ITGA8: variants seen among roughly 807,000 people sequenced by gnomAD.
ITGA8 encodes the protein integrin subunit alpha 8.
ITGA8 carries 91 observed loss-of-function variants against 142.3 expected under a neutral mutation model. The ratio of observed to expected loss-of-function variants is 0.64; its 90% CI spans 0.54 to 0.76. The LOEUF (loss-of-function observed/expected upper bound fraction) is 0.76, where lower values mean the gene tolerates loss of function less well. Ranked by LOEUF, ITGA8 falls within the 30% of genes least tolerant of loss-of-function variation. The pLI is 0.00. For missense variants in ITGA8, 1,406 were observed against 1,327.7 expected (o/e 1.06, Z -0.92); for synonymous variants, 505 against 485.2 (o/e 1.04, Z -0.54).
At chr10:15,519,166 T>G in intron 29 of ITGA8, 124 bp downstream of exon 29, 1 of 1,080,188 alleles carries the variant, frequency 9.3e-7, no homozygotes, top group Non-Finnish European at 1.4e-6. Context: ...CTTTATATCC[T>G]TCAGACTGTT....
chr10:15,549,029 G>T lies in ITGA8; in HGVS notation c.2767-461C>A, dbSNP rs1445800986. Among the ~76,000 whole-genome samples the T allele has an allele frequency of 2.6e-5, 4 of 152,006 alleles. No homozygotes were observed. In the East Asian group the frequency reaches 7.7e-4, roughly 29 times the overall value. On this transcript the variant is annotated intron_variant, in intron 26 of 29. Transcript: ENST00000378076. The stretch of plus-strand genomic sequence containing the variant: ...TCTAAATTATTTCCTGGTTATAAAG[G>T]AGGCTTTTCTGTGACTTTCATTCAT...
In ITGA8 at chr10:15,677,643, A is replaced by G; in HGVS notation, c.631-6T>C. The stretch of plus-strand genomic sequence containing the variant: ...CCCACAATAAGGTCTCCATTCTACA[A>G]AACAGAAACAGCAACAGCAACCATA... On this transcript the variant is annotated splice_polypyrimidine_tract_variant and splice_region_variant and intron_variant, in intron 5 of 29. Coordinates refer to ENST00000378076, the MANE Select transcript of ITGA8 (RefSeq NM_003638.3). The G allele has an allele frequency of 2.5e-6, 4 of 1,612,070 alleles. No homozygotes were observed. Among genetic ancestry groups the G allele is most frequent in the Non-Finnish European group, 3.4e-6 (4 of 1,178,950 alleles).
At chr10:15,619,550 C>G (rs1833452058) in intron 13 of ITGA8, among the ~76,000 whole-genome samples, 1 of 152,166 alleles carries the variant, frequency 6.6e-6, no homozygotes, top group Non-Finnish European at 1.5e-5. Flanking sequence ...ATAAAACATT[C>G]TTTTGTAAGG....
intron 3 of ITGA8, among the ~76,000 whole-genome samples, chr10:15,685,062 C>A (rs1426100852): frequency 6.6e-6 from 1 of 152,170 alleles, no homozygotes; most frequent in Non-Finnish European, 1.5e-5. Context: ...AAAGTAGAAG[C>A]ATCTTATGCC....
chr10:15,687,896 C>T, intron 3 of ITGA8, 42 bp downstream of exon 3: 1 of 1,172,504 alleles, frequency 8.5e-7, no homozygotes. Flanking sequence ...CAGTGCACAC[C>T]ATACTCCAAA....
chr10:15,535,899 G>T (rs139218822), intron 27 of ITGA8, among the ~76,000 whole-genome samples: 3 of 151,884 alleles, frequency 2.0e-5, no homozygotes, highest in African/African-American at 7.3e-5. Flanking sequence ...CACTCACCTC[G>T]AAGGTCTGCA....
At chr10:15,544,301 C>A (rs1588634966) in intron 27 of ITGA8, among the ~76,000 whole-genome samples, 1 of 148,290 alleles carries the variant, frequency 6.7e-6, no homozygotes, top group South Asian at 2.2e-4. Flanking sequence ...CTGTCTCTAC[C>A]AAAAAAAAAC....
At chr10:15,524,448 T>C (rs557915821) in intron 28 of ITGA8, among the ~76,000 whole-genome samples, 28 of 152,336 alleles carry the variant, frequency 1.8e-4, no homozygotes, top group Middle Eastern at 6.8e-3. Flanking sequence ...CAGACATATT[T>C]CTCTGAATCA....
rs1833187794 is a variant in ITGA8 at position 15,527,010 on chromosome 10, T to G, written c.2982+4040A>C. Among the ~76,000 whole-genome samples the G allele has an allele frequency of 2.0e-5, 3 of 152,190 alleles. No homozygotes were observed. In the South Asian group the frequency reaches 6.2e-4, roughly 32 times the overall value. ...AAAAGCTCCCTTGTATTTGCAATGGTAATTAATGTTGACGTCTCTATTTAT... is the reference window on the plus strand; with the variant it reads ...AAAAGCTCCCTTGTATTTGCAATGGGAATTAATGTTGACGTCTCTATTTAT... On this transcript the variant is annotated intron_variant, in intron 28 of 29. Transcript: ENST00000378076.
At chr10:15,612,830 AAACCCAGTAAATT>A (rs1833322489) in intron 15 of ITGA8, among the ~76,000 whole-genome samples, 1 of 152,240 alleles carries the variant, frequency 6.6e-6, no homozygotes, top group African/African-American at 2.4e-5. Flanking sequence ...TCAGCATAGA[AAACCCAGTAAATT>A]AACCCAGTAA....
intron 28 of ITGA8, among the ~76,000 whole-genome samples, chr10:15,523,020 A>C (rs1833099150): frequency 6.6e-6 from 1 of 152,194 alleles, no homozygotes; most frequent in Non-Finnish European, 1.5e-5. Context: ...AGTCTCAAAA[A>C]AAAAAAAAAT....
At chr10:15,535,357 C>T (rs965411901) in intron 27 of ITGA8, among the ~76,000 whole-genome samples, 12 of 152,340 alleles carry the variant, frequency 7.9e-5, no homozygotes, top group South Asian at 4.1e-4. Context: ...GCTCCACCTG[C>T]GGCGCCGGTG....
chr10:15,554,761 G>A (rs1304447421), intron 26 of ITGA8, among the ~76,000 whole-genome samples: 2 of 147,858 alleles, frequency 1.4e-5, no homozygotes, highest in African/African-American at 5.0e-5. Flanking sequence ...TTTTTTTAAT[G>A]AAGAAAAGAG....
chr10:15,588,921 G>T (rs1832877124), intron 22 of ITGA8, among the ~76,000 whole-genome samples: 1 of 152,190 alleles, frequency 6.6e-6, no homozygotes, highest in Admixed American at 6.5e-5. Flanking sequence ...ACACAGACTT[G>T]CCATGACACT....
At chr10:15,517,465 A>G (rs1412444103) in intron 29 of ITGA8, among the ~76,000 whole-genome samples, 1 of 152,078 alleles carries the variant, frequency 6.6e-6, no homozygotes, top group African/African-American at 2.4e-5. Context: ...CTGGGATTAC[A>G]GGCCTGCACC....
chr10:15,636,569 G>A (rs528659538), intron 13 of ITGA8, among the ~76,000 whole-genome samples: 2 of 152,206 alleles, frequency 1.3e-5, no homozygotes, highest in Admixed American at 6.5e-5. Context: ...CTGTCCATGA[G>A]ACTATCCTTT....
intron 23 of ITGA8, among the ~76,000 whole-genome samples, chr10:15,579,839 C>CA (rs916216242): frequency 6.6e-4 from 100 of 151,560 alleles, no homozygotes; most frequent in Non-Finnish European, 1.2e-3. Flanking sequence ...TGAGTTATAA[C>CA]AAAAAAACCC....
intron 2 of ITGA8, among the ~76,000 whole-genome samples, chr10:15,705,430 C>G (rs1486564842): frequency 6.6e-6 from 1 of 152,210 alleles, no homozygotes; most frequent in Non-Finnish European, 1.5e-5. Context: ...TCTGCCTGCC[C>G]TCCTGCCACT....
At chr10:15,602,595 A>G (rs1833123560) in intron 20 of ITGA8, among the ~76,000 whole-genome samples, 1 of 152,084 alleles carries the variant, frequency 6.6e-6, no homozygotes, top group Non-Finnish European at 1.5e-5. Flanking sequence ...AAAATTAGCC[A>G]GGCATGGTGG....
Sources: gnomAD v4.1 joint callset for allele counts (sites outside exome capture counted in the v4.1 genomes callset) on GRCh38, gnomAD v4.1.1 for gene constraint, MANE v1.5 for transcripts, NCBI Gene and HGNC (gene_info 2026-07-23, HGNC 2026-07-21) for gene names.